The following PCDHGA7 variants were observed in gnomAD, a reference collection of about 807,000 sequenced individuals.
The protein encoded by PCDHGA7 is protocadherin gamma-A7.
PCDHGA7 carries 44 observed loss-of-function variants against 58.3 expected under a neutral mutation model. That is an observed-to-expected ratio of 0.75 (90% CI 0.59 to 0.97). PCDHGA7 has a LOEUF of 0.97. PCDHGA7 is among the 50% of genes least tolerant of loss of function. PCDHGA7 has a pLI of 0.00. For synonymous variants in PCDHGA7, 516 were observed against 504.2 expected (o/e 1.02, Z -0.31); for missense variants, 1,266 against 1,188.7 (o/e 1.06, Z -0.96).
intron 1 of PCDHGA7, chr5:141,394,168 T>A (rs1291860578): frequency 1.7e-5 from 27 of 1,613,634 alleles, no homozygotes; most frequent in Non-Finnish European, 2.2e-5. Flanking sequence ...CCTCCTACTT[T>A]CCCTCATGCC....
chr5:141,498,509 C>T (rs2099784058), intron 2 of PCDHGA7, among the ~76,000 whole-genome samples: 1 of 151,740 alleles, frequency 6.6e-6, no homozygotes, highest in East Asian at 1.9e-4. Flanking sequence ...TCCCTCCCCA[C>T]CATCTTGCCC....
At chr5:141,408,192 C>A (rs2095055859) in intron 1 of PCDHGA7, 1 of 1,545,004 alleles carries the variant, frequency 6.5e-7, no homozygotes, top group South Asian at 1.2e-5. Flanking sequence ...CAGCGAGAAC[C>A]CGAGCGAACG....
intron 1 of PCDHGA7, chr5:141,478,419 G>A (rs2530208): frequency 3.7e-6 from 6 of 1,613,632 alleles, no homozygotes; most frequent in South Asian, 2.2e-5. Context: ...GACTCCCGCC[G>A]CAGCGACCCG....
chr5:141,415,163 C>A, intron 1 of PCDHGA7: 1 of 1,613,856 alleles, frequency 6.2e-7, no homozygotes. Flanking sequence ...GCCACTGTCA[C>A]GCTCACCGTG....
At chr5:141,388,616 A>C in intron 1 of PCDHGA7, 1 of 1,613,938 alleles carries the variant, frequency 6.2e-7, no homozygotes, top group Non-Finnish European at 8.5e-7. Flanking sequence ...TGTTCAGTCA[A>C]GACGTATACA....
rs998564450 is a variant in PCDHGA7 at position 141,401,627 on chromosome 5, G to T, written c.2424+16304G>T. The stretch of plus-strand genomic sequence containing the variant: ...AAAAAGACACCGGATTTGTCTTATC[G>T]TTTGGAGCTTTAAATATAAATGACT... On this transcript the variant is annotated intron_variant, in intron 1 of 3. Coordinates refer to ENST00000518325, the MANE Select transcript of PCDHGA7 (RefSeq NM_018920.4). Among the ~76,000 whole-genome samples the T allele has an allele frequency of 2.6e-5, 4 of 152,294 alleles. No homozygotes were observed. In the South Asian group the frequency reaches 8.3e-4, roughly 32 times the overall value.
intron 1 of PCDHGA7, among the ~76,000 whole-genome samples, chr5:141,466,725 G>A (rs1184472416): frequency 2.6e-5 from 4 of 152,024 alleles, no homozygotes; most frequent in Non-Finnish European, 5.9e-5. Context: ...TTCCATTTTA[G>A]CAGAATTCAT....
Position 141,489,565 on chromosome 5 carries a change from G to C in PCDHGA7, c.2425-5242G>C. The C allele has an allele frequency of 6.2e-7, 1 of 1,614,118 alleles. No homozygotes were observed. ...CAGCTGCCTGCTGCCAGTGCAGGTGGTGACTGAACACCCCCTGGAGCTAAT... is the reference window on the plus strand; with the variant it reads ...CAGCTGCCTGCTGCCAGTGCAGGTGCTGACTGAACACCCCCTGGAGCTAAT... On this transcript the variant is annotated intron_variant, in intron 1 of 3. Coordinates refer to ENST00000518325, the MANE Select transcript of PCDHGA7 (RefSeq NM_018920.4). This position sits in a 1 kb window ranked among gnomAD's most constrained non-coding sequence, Gnocchi z 4.5.
intron 1 of PCDHGA7, chr5:141,429,222 T>C (rs897099159): frequency 6.6e-6 from 1 of 151,494 alleles, no homozygotes; most frequent in Non-Finnish European, 1.5e-5. Context: ...AAAGTGGGTA[T>C]TATGATACTG....
intron 1 of PCDHGA7, chr5:141,393,545 C>CCCGATTTA (rs1171677857): frequency 1.2e-6 from 2 of 1,613,858 alleles, no homozygotes; most frequent in African/African-American, 1.3e-5. Context: ...TTTTTCCTCA[C>CCCGATTTA]CCGATTTACC....
intron 1 of PCDHGA7, chr5:141,394,906 C>T (rs2150590922): frequency 6.2e-7 from 1 of 1,613,754 alleles, no homozygotes; most frequent in Admixed American, 1.7e-5. Flanking sequence ...GTGGCAGTGG[C>T]TGCCATCTCC....
chr5:141,394,290 G>A (rs759077173), intron 1 of PCDHGA7: 11 of 1,613,800 alleles, frequency 6.8e-6, no homozygotes, highest in Non-Finnish European at 8.5e-6. Context: ...CTCTGTGACC[G>A]AGGACACGCT....
chr5:141,463,764 G>A (rs2099069094), intron 1 of PCDHGA7, among the ~76,000 whole-genome samples: 1 of 151,916 alleles, frequency 6.6e-6, no homozygotes. Flanking sequence ...TTCTCTTATG[G>A]GTTAGAATCC....
rs2096315825 is a variant in PCDHGA7 at position 141,419,028 on chromosome 5, T to C, written c.2424+33705T>C. On this transcript the variant is annotated intron_variant, in intron 1 of 3. Coordinates refer to ENST00000518325, the MANE Select transcript of PCDHGA7 (RefSeq NM_018920.4). ...GTCAGGTGTAGCTTAAGTAGAGGTG[T>C]TCCATTTAAGATTCATTCTTCTTCT... 5.0e-6 allele frequency: 8 copies of C among 1,613,638 alleles called. No individual in the cohort carries two copies. The South Asian group carries it at 8.8e-5, about 18-fold the overall frequency.
chr5:141,470,911 G>A (rs1208467445), intron 1 of PCDHGA7, among the ~76,000 whole-genome samples: 1 of 151,916 alleles, frequency 6.6e-6, no homozygotes, highest in Non-Finnish European at 1.5e-5. Context: ...AGATGGGACT[G>A]TCCCTATGTT....
At chr5:141,456,058 C>T (rs1488082918) in intron 1 of PCDHGA7, among the ~76,000 whole-genome samples, 3 of 151,880 alleles carry the variant, frequency 2.0e-5, no homozygotes, top group Admixed American at 6.6e-5. Context: ...CCACCACGTC[C>T]GGCTAATTTT....
chr5:141,400,037 G>A, intron 1 of PCDHGA7: 4 of 1,613,246 alleles, frequency 2.5e-6, no homozygotes, highest in African/African-American at 1.3e-5. Context: ...GCCCGCCAGC[G>A]CCTGCTGGTT....
chr5:141,489,893 G>A lies in PCDHGA7; in HGVS notation c.2425-4914G>A. ...CTGGTGCTTACTGCTGTGGATGGGG[G>A]GACCCCAGCCCGCTCAGGGACCACC... On this transcript the variant is annotated intron_variant, in intron 1 of 3. Transcript: ENST00000518325. This position sits in a 1 kb window ranked among gnomAD's most constrained non-coding sequence, Gnocchi z 4.5. 6.2e-7 allele frequency: 1 copy of A among 1,614,190 alleles called. No individual in the cohort carries two copies. Among genetic ancestry groups the A allele is most frequent in the South Asian group, 1.1e-5 (1 of 91,084 alleles).
Position 141,382,993 on chromosome 5 carries a change from C to A in PCDHGA7, c.94C>A (p.Leu32Ile), listed in dbSNP as rs762865747. 6.2e-7 allele frequency: 1 copy of A among 1,613,660 alleles called. No individual in the cohort carries two copies. The highest frequency in any genetic ancestry group is 1.1e-5 in the South Asian group (1 of 91,074). Residue 32 changes from leucine to isoleucine, a missense_variant, in exon 1 of 4, where the codon CTC (leucine) becomes ATC (isoleucine). By Grantham distance (5) the Leu-to-Ile change is conservative. Coordinates refer to ENST00000518325, the MANE Select transcript of PCDHGA7 (RefSeq NM_018920.4). Reference sequence around the variant, plus strand: ...CTGGGAAGCCTGGGCAGGACGTATTCTCTACTCCGTGTCGGAGGAGACGGA... The same window carrying A: ...CTGGGAAGCCTGGGCAGGACGTATTATCTACTCCGTGTCGGAGGAGACGGA... ...TPWEAWAGRI[L>I]YSVSEETDKG...
Sources: allele counts gnomAD v4.1 joint callset (sites outside exome capture counted in the v4.1 genomes callset), GRCh38; gene constraint gnomAD v4.1.1; non-coding constraint Gnocchi (gnomAD v3.1); transcripts MANE v1.5; gene names NCBI Gene and HGNC (gene_info 2026-07-23, HGNC 2026-07-21).